SV2C: variants seen among roughly 807,000 people sequenced by gnomAD.
SV2C encodes solute carrier family 22 member B3.
SV2C carries 49 observed loss-of-function variants against 79.7 expected under a neutral mutation model. That is an observed-to-expected ratio of 0.61 (90% CI 0.49 to 0.78). SV2C has a LOEUF of 0.78. Ranked by LOEUF, SV2C falls within the 30% of genes least tolerant of loss-of-function variation. The pLI, the probability that SV2C is intolerant of heterozygous loss-of-function variation, is 0.00. For synonymous variants in SV2C, 334 were observed against 333.2 expected, an observed-to-expected ratio of 1.00 and a Z score of -0.03; for missense variants, 833 against 912.9, an observed-to-expected ratio of 0.91 and a Z score of 1.13.
At chr5:76,351,950 C>T (rs942816672) in intron 12 of SV2C, among the ~76,000 whole-genome samples, 9 of 152,176 alleles carry the variant, frequency 5.9e-5, no homozygotes, top group South Asian at 2.1e-4. Flanking sequence ...CGGTGGCTCA[C>T]GCCTGTAATC....
chr5:76,118,190 G>T, intron 1 of SV2C, among the ~76,000 whole-genome samples: 1 of 152,244 alleles, frequency 6.6e-6, no homozygotes, highest in East Asian at 1.9e-4. Context: ...AGCTTCTGGG[G>T]ACTCCAGGTG....
chr5:76,311,648 G>T (rs1405029722), intron 12 of SV2C, among the ~76,000 whole-genome samples: 1 of 152,154 alleles, frequency 6.6e-6, no homozygotes, highest in African/African-American at 2.4e-5. Context: ...ATGTAATGTA[G>T]ATCACAAACA....
chr5:76,164,975 A>G (rs922994204), intron 2 of SV2C, among the ~76,000 whole-genome samples: 4 of 152,038 alleles, frequency 2.6e-5, no homozygotes, highest in African/African-American at 7.2e-5. Context: ...TTGTTATACT[A>G]TACTGTTTGG....
chr5:76,019,080 TA>T, the SV2C span, among the ~76,000 whole-genome samples: 1 of 152,030 alleles, frequency 6.6e-6, no homozygotes, highest in East Asian at 1.9e-4. Flanking sequence ...GAGACTATGA[TA>T]AAAAGAGAGA....
At chr5:75,898,509 G>A in the SV2C span, among the ~76,000 whole-genome samples, 1 of 152,180 alleles carries the variant, frequency 6.6e-6, no homozygotes, top group Non-Finnish European at 1.5e-5. Flanking sequence ...TGTTCATCAA[G>A]GATATTGGTC....
the SV2C span, among the ~76,000 whole-genome samples, chr5:75,862,868 G>A: frequency 6.6e-6 from 1 of 152,296 alleles, no homozygotes; most frequent in African/African-American, 2.4e-5. Flanking sequence ...CACCAAACTG[G>A]TTCATTTTGA....
chr5:76,287,597 T>C lies in SV2C; in HGVS notation c.1137+1727T>C, dbSNP rs564612725. 2.0e-5 allele frequency among the ~76,000 whole-genome samples: 3 copies of C among 152,258 alleles called. No homozygotes were observed. In the South Asian group the frequency reaches 6.2e-4, roughly 32 times the overall value. On this transcript the variant is annotated intron_variant, in intron 6 of 12. Coordinates refer to ENST00000502798, the MANE Select transcript of SV2C (RefSeq NM_014979.4). ...GCAGCTACATTCATCCCTCAGCTCC[T>C]CACACTCAACATTTGACTTACTATA...
At chr5:75,886,353 GCA>G in the SV2C span, among the ~76,000 whole-genome samples, 1 of 152,016 alleles carries the variant, frequency 6.6e-6, no homozygotes, top group Non-Finnish European at 1.5e-5. Context: ...CTCCTCCCTA[GCA>G]CAGTCTCCTA....
At chr5:76,310,625 G>T (rs1453146123) in intron 12 of SV2C, among the ~76,000 whole-genome samples, 1 of 152,182 alleles carries the variant, frequency 6.6e-6, no homozygotes, top group Non-Finnish European at 1.5e-5. Context: ...AAGAAATGTG[G>T]CAAGAGGTAA....
the SV2C span, chr5:75,921,598 G>T: frequency 2.1e-6 from 2 of 973,678 alleles, no homozygotes; most frequent in South Asian, 2.6e-5. Flanking sequence ...TGTAGGAGGT[G>T]ACAATTGTGT....
At chr5:76,131,521 A>C (rs933816419) in intron 1 of SV2C, 129 bp from the exon 2 acceptor site, 53 of 314,852 alleles carry the variant, frequency 1.7e-4, no homozygotes, top group South Asian at 5.2e-4. Flanking sequence ...GATCAAAAAA[A>C]AAAAAAAAAG....
chr5:75,980,575 C>G, the SV2C span, among the ~76,000 whole-genome samples: 1 of 151,972 alleles, frequency 6.6e-6, no homozygotes, highest in African/African-American at 2.4e-5. Flanking sequence ...CAAATCAATA[C>G]ATGTGATTCA....
At chr5:76,101,089 A>G (rs1264416050) in intron 1 of SV2C, among the ~76,000 whole-genome samples, 1 of 151,964 alleles carries the variant, frequency 6.6e-6, no homozygotes, top group Admixed American at 6.6e-5. Context: ...ATGTATGAGG[A>G]GAGGGAATCT....
chr5:76,021,065 G>T, the SV2C span, among the ~76,000 whole-genome samples: 1 of 152,194 alleles, frequency 6.6e-6, no homozygotes, highest in African/African-American at 2.4e-5. Context: ...AGAAATCATT[G>T]GTCTATCCAG....
chr5:76,280,133 T>C (rs552348650), intron 4 of SV2C, among the ~76,000 whole-genome samples: 2 of 151,572 alleles, frequency 1.3e-5, no homozygotes, highest in African/African-American at 4.8e-5. Context: ...TGAAGAGAAA[T>C]GGAAAAAGGT....
the SV2C span, among the ~76,000 whole-genome samples, chr5:76,023,347 T>C: frequency 6.6e-6 from 1 of 152,170 alleles, no homozygotes. Flanking sequence ...AGCTGCTCCT[T>C]CGTTTCCAAA....
the SV2C span, among the ~76,000 whole-genome samples, chr5:76,015,169 A>G: frequency 4.6e-5 from 7 of 152,178 alleles, no homozygotes; most frequent in African/African-American, 1.2e-4. Context: ...TTACTCTGCC[A>G]CAGCAGATTA....
the SV2C span, among the ~76,000 whole-genome samples, chr5:75,971,656 C>A: frequency 2.0e-5 from 3 of 152,096 alleles, no homozygotes; most frequent in Non-Finnish European, 4.4e-5. Context: ...CTACAAACCA[C>A]TGCTCAAGGA....
rs532226157 is a variant in SV2C at position 76,236,503 on chromosome 5, A to G, written c.913+26616A>G. On this transcript the variant is annotated intron_variant, in intron 4 of 12. Coordinates refer to ENST00000502798, the MANE Select transcript of SV2C (RefSeq NM_014979.4). ...CTTGAACCCAGGGGGCAGAGGTTGC[A>G]ATGATCCAAGATCGCATCACTGCAC... is the stretch of plus-strand genomic sequence containing the variant. Among the ~76,000 whole-genome samples, 330 of 152,222 alleles carry G rather than the reference A, an allele frequency of 2.2e-3. 1 individual carries two copies. Among genetic ancestry groups the G allele is most frequent in the African/African-American group, 7.5e-3 (313 of 41,524 alleles).
Sources: allele counts gnomAD v4.1 joint callset (sites outside exome capture counted in the v4.1 genomes callset), GRCh38; gene constraint gnomAD v4.1.1; transcripts MANE v1.5; gene names NCBI Gene and HGNC (gene_info 2026-07-23, HGNC 2026-07-21).